The following SLC24A4 variants were observed in gnomAD, a reference collection of about 807,000 sequenced individuals.
The protein encoded by SLC24A4 is solute carrier family 24 member 4.
Under a neutral mutation model 79.0 loss-of-function variants are expected in SLC24A4, and 53 were observed. That is an observed-to-expected ratio of 0.67 (90% CI 0.54 to 0.84). SLC24A4 has a LOEUF of 0.84. Ranked by LOEUF, SLC24A4 falls within the 40% of genes least tolerant of loss-of-function variation. The pLI, the probability that SLC24A4 is intolerant of heterozygous loss-of-function variation, is 0.00. For missense variants in SLC24A4, 731 were observed against 822.0 expected, an observed-to-expected ratio of 0.89 and a Z score of 1.35; for synonymous variants, 323 against 323.8, an observed-to-expected ratio of 1.00 and a Z score of 0.03.
At chr14:92,457,875 G>A (rs915935921) in intron 12 of SLC24A4, among the ~76,000 whole-genome samples, 1 of 152,246 alleles carries the variant, frequency 6.6e-6, no homozygotes, top group African/African-American at 2.4e-5. Context: ...ACTCTGGAGG[G>A]CCAGAGGCTG....
At chr14:92,452,724 C>T (rs993182430) in intron 10 of SLC24A4, 3 of 152,378 alleles carry the variant, frequency 2.0e-5, no homozygotes, top group African/African-American at 4.8e-5. Flanking sequence ...AGCCCACCAA[C>T]GCACTGCGCG....
intron 2 of SLC24A4, among the ~76,000 whole-genome samples, chr14:92,336,142 C>T (rs1008425754): frequency 1.3e-5 from 2 of 151,894 alleles, no homozygotes; most frequent in African/African-American, 4.9e-5. Flanking sequence ...ACTCGGCTTC[C>T]TCTTGAACCC....
intron 11 of SLC24A4, among the ~76,000 whole-genome samples, chr14:92,456,038 A>C (rs1893439499): frequency 6.6e-6 from 1 of 152,222 alleles, no homozygotes; most frequent in Non-Finnish European, 1.5e-5. Flanking sequence ...TAAAAAATTA[A>C]AAATTACAAA....
rs145484901 is a variant in SLC24A4, at chr14:92,372,608, G to C, written c.241+46630G>C. On this transcript the variant is annotated intron_variant, in intron 2 of 16. Transcript: ENST00000532405. ...GGAGTATGGGTTGCAGAGCTGGGAT[G>C]GAACAGCATCACATAATCCAGGTCC... Among the ~76,000 whole-genome samples the C allele has an allele frequency of 1.4e-3, 217 of 152,228 alleles. 2 individuals are homozygous for C. Among genetic ancestry groups the C allele is most frequent in the African/African-American group, 3.9e-3 (163 of 41,520 alleles).
At chr14:92,333,786 C>T (rs571020444) in intron 2 of SLC24A4, among the ~76,000 whole-genome samples, 1 of 152,146 alleles carries the variant, frequency 6.6e-6, no homozygotes, top group African/African-American at 2.4e-5. Context: ...TTATTCTGTA[C>T]CATGCCAGTG....
rs558199935 is a variant in SLC24A4 at position 92,395,100 on chromosome 14, C to T, written c.242-38812C>T. Among the ~76,000 whole-genome samples, 7 of 152,220 alleles carry T rather than the reference C, an allele frequency of 4.6e-5. No homozygotes were observed. In the East Asian group the frequency reaches 7.7e-4, roughly 17 times the overall value. ...CTCTGGACGGATAAGGGACTTGGCT[C>T]GGAATGTGACCCCAGAGAGGTTTGT... On this transcript the variant is annotated intron_variant, in intron 2 of 16. Coordinates refer to ENST00000532405, the MANE Select transcript of SLC24A4 (RefSeq NM_153646.4).
At chr14:92,346,819 A>G (rs1035213834) in intron 2 of SLC24A4, among the ~76,000 whole-genome samples, 8 of 152,058 alleles carry the variant, frequency 5.3e-5, no homozygotes, top group Non-Finnish European at 7.4e-5. Flanking sequence ...TGGTTTTTAC[A>G]TTTCCCCCGG....
At position 92,323,958 on chromosome 14, in the gene SLC24A4, T is replaced by G. The variant is rs778889266; in HGVS notation, c.128T>G (p.Leu43Trp). ...VCCASGLFGSLGHKTASASKR... is the reference protein window; with the variant it reads ...VCCASGLFGSWGHKTASASKR... The stretch of plus-strand genomic sequence containing the variant: ...TGTGCGTCCGGCCTCTTCGGCAGCT[T>G]GGGTGGGTGCTGGTACGGGTCCCCT... Residue 43 changes from leucine (L) to tryptophan (W), a missense_variant and splice_region_variant, in exon 1 of 17, where the codon TTG becomes TGG. Leu to Trp is a moderately conservative substitution (Grantham distance 61, BLOSUM62 -2). Transcript: ENST00000532405. This position sits in a 1 kb window ranked among gnomAD's most constrained non-coding sequence, Gnocchi z 4.9. 30 of 1,610,076 alleles carry G rather than the reference T, an allele frequency of 1.9e-5. No homozygotes were observed. Among genetic ancestry groups the G allele is most frequent in the Non-Finnish European group, 2.5e-5 (29 of 1,178,960 alleles).
chr14:92,368,241 A>G (rs553361991), intron 2 of SLC24A4, among the ~76,000 whole-genome samples: 1 of 152,306 alleles, frequency 6.6e-6, no homozygotes, highest in South Asian at 2.1e-4. Flanking sequence ...TAATGCCTGA[A>G]TTTACACAGT....
intron 2 of SLC24A4, among the ~76,000 whole-genome samples, chr14:92,358,303 T>A (rs1249128300): frequency 2.0e-5 from 3 of 152,126 alleles, no homozygotes; most frequent in African/African-American, 7.2e-5. Flanking sequence ...TTTTGAAAAA[T>A]GTTTATTTTA....
At chr14:92,372,925 C>CCT (rs1566721974) in intron 2 of SLC24A4, among the ~76,000 whole-genome samples, 9 of 96,828 alleles carry the variant, frequency 9.3e-5, no homozygotes, top group Admixed American at 3.1e-4. Flanking sequence ...TCCTTTCTTT[C>CCT]TCTTTCTTTC....
rs530149473 is a variant in SLC24A4 at position 92,345,381 on chromosome 14, T to C, written c.241+19403T>C. On this transcript the variant is annotated intron_variant, in intron 2 of 16. Transcript: ENST00000532405. ...GATGACAGCACTGAGGTGGGTTGTCTTAGGGTTAAATGCATTAACAAAAGC... is the reference window on the plus strand; with the variant it reads ...GATGACAGCACTGAGGTGGGTTGTCCTAGGGTTAAATGCATTAACAAAAGC... Among the ~76,000 whole-genome samples, 179 of 152,300 alleles carry C rather than the reference T, an allele frequency of 1.2e-3. 1 individual carries two copies. Among genetic ancestry groups the C allele is most frequent in the Middle Eastern group, 0.01 (3 of 294 alleles).
At chr14:92,354,893 G>A (rs141691421) in intron 2 of SLC24A4, among the ~76,000 whole-genome samples, 1 of 152,170 alleles carries the variant, frequency 6.6e-6, no homozygotes, top group Admixed American at 6.5e-5. Flanking sequence ...GGCCAACATG[G>A]CGAAACCCCA....
intron 10 of SLC24A4, 159 bp from the exon 11 acceptor site, chr14:92,453,741 C>A (rs1893286663): frequency 3.1e-6 from 2 of 652,372 alleles, no homozygotes; most frequent in South Asian, 4.9e-5. Context: ...CTTTGCCTGA[C>A]ATGAGGAGTT....
intron 2 of SLC24A4, among the ~76,000 whole-genome samples, chr14:92,402,944 A>G (rs1890186907): frequency 6.6e-6 from 1 of 152,132 alleles, no homozygotes; most frequent in Non-Finnish European, 1.5e-5. Flanking sequence ...TTCACCCAGT[A>G]GGAGTTTATT....
At chr14:92,362,769 T>C (rs1887609298) in intron 2 of SLC24A4, among the ~76,000 whole-genome samples, 1 of 152,262 alleles carries the variant, frequency 6.6e-6, no homozygotes, top group East Asian at 1.9e-4. Flanking sequence ...TACAGTGCTT[T>C]TCTGGTGCCT....
chr14:92,341,732 C>T (rs1179593284), intron 2 of SLC24A4, among the ~76,000 whole-genome samples: 2 of 152,274 alleles, frequency 1.3e-5, no homozygotes, highest in Admixed American at 1.3e-4. Flanking sequence ...AAATTCCATC[C>T]TCTGGGATGT....
chr14:92,434,070 T>C, intron 3 of SLC24A4, 82 bp downstream of exon 3: 1 of 1,082,120 alleles, frequency 9.2e-7, no homozygotes, highest in South Asian at 1.3e-5. Flanking sequence ...GTGGCGTGTC[T>C]GAGATCTTTT....
At chr14:92,449,728 AG>A (rs1474842638) in intron 10 of SLC24A4, among the ~76,000 whole-genome samples, 1 of 152,202 alleles carries the variant, frequency 6.6e-6, no homozygotes, top group Non-Finnish European at 1.5e-5. Context: ...AGGCCAGGAA[AG>A]GCAGACATGA....
Sources: gnomAD v4.1 joint callset for allele counts (sites outside exome capture counted in the v4.1 genomes callset) on GRCh38, gnomAD v4.1.1 for gene constraint, Gnocchi (gnomAD v3.1) non-coding constraint, MANE v1.5 for transcripts, NCBI Gene and HGNC (gene_info 2026-07-23, HGNC 2026-07-21) for gene names.